The following SGCZ variants were observed in gnomAD, a reference collection of about 807,000 sequenced individuals.
The protein encoded by SGCZ is zeta-sarcoglycan.
In SGCZ, 40 loss-of-function variants were observed where a neutral mutation model predicts 41.3. The observed-to-expected ratio is 0.97, with a 90% CI of 0.75 to 1.26. The LOEUF is 1.26. SGCZ is among the 50% of genes most tolerant of loss of function. The pLI, the probability that SGCZ is intolerant of heterozygous loss-of-function variation, is 0.00. For missense variants in SGCZ, 552 were observed against 369.8 expected, an observed-to-expected ratio of 1.49 and a Z score of -4.04; for synonymous variants, 206 against 137.5, an observed-to-expected ratio of 1.50 and a Z score of -3.49.
chr8:14,313,916 G>C (rs1334083204), intron 3 of SGCZ, among the ~76,000 whole-genome samples: 1,282 of 65,604 alleles, frequency 0.02, 6 homozygotes, highest in Middle Eastern at 0.041. Context: ...CTCTCTGTGT[G>C]TGTGTGTGTG....
At chr8:14,817,503 C>A (rs1341978184) in intron 1 of SGCZ, among the ~76,000 whole-genome samples, 2 of 152,158 alleles carry the variant, frequency 1.3e-5, no homozygotes, top group Admixed American at 1.3e-4. Flanking sequence ...TGAAACTAGA[C>A]CCATTTCTAG....
At chr8:14,367,031 C>A (rs2117149781) in intron 2 of SGCZ, among the ~76,000 whole-genome samples, 1 of 152,184 alleles carries the variant, frequency 6.6e-6, no homozygotes, top group Admixed American at 6.5e-5. Flanking sequence ...ACTGCATTGT[C>A]AGGCTGCATA....
chr8:14,733,800 G>T (rs2130249505), intron 1 of SGCZ, among the ~76,000 whole-genome samples: 2 of 152,272 alleles, frequency 1.3e-5, no homozygotes, highest in African/African-American at 4.8e-5. Flanking sequence ...TTTTAACTCA[G>T]TTGTAAAAGG....
intron 1 of SGCZ, among the ~76,000 whole-genome samples, chr8:15,157,327 G>A (rs773398174): frequency 4.6e-5 from 7 of 151,956 alleles, no homozygotes; most frequent in Admixed American, 1.3e-4. Context: ...GACCCCAGGA[G>A]CCCAGGAGTG....
chr8:14,375,411 A>G (rs1209738638), intron 2 of SGCZ, among the ~76,000 whole-genome samples: 1 of 152,204 alleles, frequency 6.6e-6, no homozygotes, highest in Non-Finnish European at 1.5e-5. Context: ...AAATCCCATG[A>G]TCAAGAACAT....
chr8:14,649,029 G>A (rs915442239), intron 1 of SGCZ, among the ~76,000 whole-genome samples: 1 of 152,050 alleles, frequency 6.6e-6, no homozygotes, highest in Admixed American at 6.6e-5. Context: ...TCTAGCTGCT[G>A]TTTGATCATT....
At chr8:14,894,399 C>T (rs1356250750) in intron 1 of SGCZ, among the ~76,000 whole-genome samples, 2 of 152,072 alleles carry the variant, frequency 1.3e-5, no homozygotes, top group Non-Finnish European at 2.9e-5. Flanking sequence ...GTCAATGGTG[C>T]AAAGTGAAAG....
chr8:14,368,270 C>A (rs1445617741), intron 2 of SGCZ, among the ~76,000 whole-genome samples: 2 of 151,946 alleles, frequency 1.3e-5, no homozygotes, highest in Non-Finnish European at 2.9e-5. Flanking sequence ...TATGTTCTAA[C>A]TGCATTTCAT....
chr8:14,713,948 G>T (rs971930784), intron 1 of SGCZ, among the ~76,000 whole-genome samples: 15 of 151,940 alleles, frequency 9.9e-5, no homozygotes, highest in Non-Finnish European at 2.1e-4. Context: ...TCCATTTTAA[G>T]TCTAGAAGCA....
intron 2 of SGCZ, among the ~76,000 whole-genome samples, chr8:14,360,030 A>T (rs546682159): frequency 6.6e-6 from 1 of 152,190 alleles, no homozygotes; most frequent in Non-Finnish European, 1.5e-5. Context: ...ATTTCAGTTA[A>T]TGCTGAAAAA....
chr8:15,127,295 T>C (rs974255977), intron 1 of SGCZ, among the ~76,000 whole-genome samples: 8 of 150,350 alleles, frequency 5.3e-5, no homozygotes, highest in Admixed American at 5.3e-4. Flanking sequence ...CACATATACA[T>C]ACATGGCATA....
At chr8:14,261,830 T>C (rs1281327757) in intron 3 of SGCZ, among the ~76,000 whole-genome samples, 1 of 152,130 alleles carries the variant, frequency 6.6e-6, no homozygotes, top group Non-Finnish European at 1.5e-5. Flanking sequence ...AAAGAATATA[T>C]TAAAAACTAA....
intron 3 of SGCZ, among the ~76,000 whole-genome samples, chr8:14,270,717 T>A (rs1485314092): frequency 6.6e-6 from 1 of 152,134 alleles, no homozygotes; most frequent in East Asian, 1.9e-4. Context: ...CAATAAACAC[T>A]ATTTCTATAC....
At chr8:14,830,194 T>C (rs777098067) in intron 1 of SGCZ, among the ~76,000 whole-genome samples, 4 of 152,206 alleles carry the variant, frequency 2.6e-5, no homozygotes, top group Non-Finnish European at 2.9e-5. Flanking sequence ...TTTATTTGGT[T>C]ATTTAATTAT....
intron 1 of SGCZ, among the ~76,000 whole-genome samples, chr8:14,994,081 T>C (rs1014279201): frequency 9.2e-5 from 14 of 152,238 alleles, no homozygotes; most frequent in Admixed American, 5.2e-4. Flanking sequence ...CTGAGTATAT[T>C]TTAAATGCAA....
chr8:14,965,465 C>A (rs1260503117), intron 1 of SGCZ, among the ~76,000 whole-genome samples: 1 of 152,000 alleles, frequency 6.6e-6, no homozygotes, highest in Non-Finnish European at 1.5e-5. Context: ...TGGCAATATA[C>A]AATTCTTACT....
chr8:14,807,474 T>C (rs1227896206), intron 1 of SGCZ, among the ~76,000 whole-genome samples: 2 of 151,946 alleles, frequency 1.3e-5, no homozygotes, highest in Non-Finnish European at 2.9e-5. Context: ...TGAACTCCCA[T>C]TCACAATTGC....
chr8:14,440,694 TA>T (rs1360231676), intron 2 of SGCZ, among the ~76,000 whole-genome samples: 3 of 69,904 alleles, frequency 4.3e-5, no homozygotes, highest in Non-Finnish European at 1.0e-4. Context: ...TATACACGTA[TA>T]TGTATATATG....
intron 2 of SGCZ, among the ~76,000 whole-genome samples, chr8:14,444,950 T>C (rs1166860322): frequency 2.0e-5 from 3 of 152,194 alleles, no homozygotes; most frequent in Admixed American, 6.5e-5. Flanking sequence ...CCTTCTGGCC[T>C]CTTTGTTACT....
Sources: gnomAD v4.1 joint callset for allele counts (sites outside exome capture counted in the v4.1 genomes callset) on GRCh38, gnomAD v4.1.1 for gene constraint, MANE v1.5 for transcripts, NCBI Gene and HGNC (gene_info 2026-07-23, HGNC 2026-07-21) for gene names.